CHEK1: variants seen among roughly 807,000 people sequenced by gnomAD.
The protein encoded by CHEK1 is checkpoint kinase 1, also known as serine/threonine-protein kinase Chk1.
Under a neutral mutation model 60.2 loss-of-function variants are expected in CHEK1, and 32 were observed. The ratio of observed to expected loss-of-function variants is 0.53; its 90% confidence interval spans 0.40 to 0.71. CHEK1 has a LOEUF of 0.71. CHEK1 is among the 30% of genes least tolerant of loss of function. CHEK1 has a pLI of 0.00. For synonymous variants in CHEK1, 179 were observed against 187.2 expected (o/e 0.96, Z 0.36); for missense variants, 399 against 564.6 (o/e 0.71, Z 2.97).
chr11:125,673,195 A>G (rs1359935211), intron 13 of CHEK1, among the ~76,000 whole-genome samples: 1 of 119,112 alleles, frequency 8.4e-6, no homozygotes, highest in African/African-American at 3.2e-5. Context: ...TGTGGACTAC[A>G]CCCTTTCTTT....
intron 5 of CHEK1, among the ~76,000 whole-genome samples, chr11:125,631,590 G>C (rs1031719422): frequency 3.3e-5 from 5 of 151,532 alleles, no homozygotes; most frequent in Admixed American, 6.6e-5. Context: ...AATCAACTGG[G>C]TGCAGTAGCT....
At chr11:125,650,207 T>A (rs1018140724) in intron 11 of CHEK1, among the ~76,000 whole-genome samples, 1 of 152,096 alleles carries the variant, frequency 6.6e-6, no homozygotes, top group Non-Finnish European at 1.5e-5. Context: ...GTTGGTATAC[T>A]TGATGTGCCA....
chr11:125,663,894 T>C (rs1942056547), intron 13 of CHEK1, among the ~76,000 whole-genome samples: 1 of 152,220 alleles, frequency 6.6e-6, no homozygotes, highest in Admixed American at 6.5e-5. Context: ...TAGTCAGTTA[T>C]CACAGCATCA....
rs1425294398 is a variant in CHEK1 at position 125,656,486 on chromosome 11, T to C, written c.*1166T>C. On this transcript the variant is annotated 3_prime_UTR_variant, in exon 13 of 13. Coordinates refer to ENST00000438015, the MANE Select transcript of CHEK1 (RefSeq NM_001114122.3). ...ACTGGCAAATTGTGTTACTGGAGTA[T>C]ACCCATAGGAGGAATAAATTCAAAC... The C allele has an allele frequency of 4.6e-6, 1 of 215,958 alleles. No individual in the cohort carries two copies. The highest frequency in any genetic ancestry group is 9.3e-6 in the Non-Finnish European group (1 of 107,388). 13.4% of individuals were successfully genotyped at this position (215,958 alleles called of 1,614,324 possible).
rs754935840 is a variant in CHEK1 at position 125,644,184 on chromosome 11, A to G, written c.1017A>G (p.Val339=). ...DTSPSYIDKL[V]QGISFSQPTC... ...GCCCCTCATACATTGATAAATTGGT[A>G]CAAGGGATCAGCTTTTCCCAGCCCA... Residue 339 remains valine, a synonymous_variant, in exon 10 of 13, where the codon GTA becomes GTG. Coordinates refer to ENST00000438015, the MANE Select transcript of CHEK1 (RefSeq NM_001114122.3). The G allele has an allele frequency of 1.2e-6, 2 of 1,614,194 alleles. No individual in the cohort carries two copies. Among genetic ancestry groups the G allele is most frequent in the South Asian group, 2.2e-5 (2 of 91,084 alleles).
In CHEK1 at chr11:125,653,778, T is replaced by A. The variant is rs775056015; in HGVS notation, c.1266T>A (p.Asn422Lys). The change falls in exon 12 of 13, where the codon AAT becomes AAA. Residue 422 changes from asparagine (N) to lysine (K), a missense_variant. Around this residue, in one of 2 missense-constraint regions of CHEK1, gnomAD observed 29 missense variants for 69.8 expected, o/e 0.42. Coordinates refer to ENST00000438015, the MANE Select transcript of CHEK1 (RefSeq NM_001114122.3). This position sits in a 1 kb window ranked among gnomAD's most constrained non-coding sequence, Gnocchi z 4.3. ...VTISTTDRRN[N>K]KLIFKVNLLE... ...TATCAACAACTGATAGGAGAAACAA[T>A]AAACTCATTTTCAAAGTGAATTTGT... 6.3e-7 allele frequency: 1 copy of A among 1,595,580 alleles called. No homozygotes were observed. The highest frequency in any genetic ancestry group is 2.2e-5 in the East Asian group (1 of 44,450).
At chr11:125,668,451 A>AT (rs976927295) in intron 13 of CHEK1, among the ~76,000 whole-genome samples, 3 of 151,716 alleles carry the variant, frequency 2.0e-5, no homozygotes, top group East Asian at 1.9e-4. Context: ...GATTTTTGCC[A>AT]TTTTTTTTGT....
Position 125,626,007 on chromosome 11 carries a change from A to G in CHEK1, c.-26A>G. 1 of 697,906 alleles carries G rather than the reference A, an allele frequency of 1.4e-6. No homozygotes were observed. The highest frequency in any genetic ancestry group is 2.7e-5 in the East Asian group (1 of 37,134). The allele number at this position is 697,906 out of a possible 1,614,324, so 43.2% of individuals were successfully genotyped here. On this transcript the variant is annotated 5_prime_UTR_variant, in exon 1 of 13. Transcript: ENST00000438015. ...ATTCCTGCAGTGGTGGGCAAAGGAC[A>G]GTCCGGTGAGGAAGGGCGGCCGGTA...
chr11:125,641,275 T>C (rs1941294388), intron 8 of CHEK1, among the ~76,000 whole-genome samples: 1 of 152,130 alleles, frequency 6.6e-6, no homozygotes, highest in Non-Finnish European at 1.5e-5. Context: ...TTCCAGGCGT[T>C]ACACTCTTCT....
chr11:125,678,402 T>A, downstream of CHEK1: 1 of 1,390,394 alleles, frequency 7.2e-7, no homozygotes, highest in South Asian at 1.4e-5. Flanking sequence ...CTAGGTTTCC[T>A]ATGGGCCTAG....
chr11:125,652,700 AT>A (rs1028505380), intron 11 of CHEK1, among the ~76,000 whole-genome samples: 3 of 152,240 alleles, frequency 2.0e-5, no homozygotes, highest in South Asian at 2.1e-4. Context: ...ATTTTTTTTA[AT>A]TGATACAATA....
downstream of CHEK1, among the ~76,000 whole-genome samples, chr11:125,658,832 A>G (rs1941964461): frequency 6.6e-6 from 1 of 151,604 alleles, no homozygotes; most frequent in Non-Finnish European, 1.5e-5. Flanking sequence ...GACTATAGCC[A>G]TGCACCACCA....
chr11:125,637,328 C>A (rs894098346), intron 7 of CHEK1, 121 bp from the exon 8 acceptor site: 3 of 627,000 alleles, frequency 4.8e-6, no homozygotes, highest in Non-Finnish European at 7.6e-6. Flanking sequence ...TTAATTCTTT[C>A]TCTTCCCCAG....
chr11:125,644,826 T>C (rs1273166170), intron 11 of CHEK1, among the ~76,000 whole-genome samples, 183 bp downstream of exon 11: 2 of 152,054 alleles, frequency 1.3e-5, no homozygotes, highest in Admixed American at 6.6e-5. Context: ...CTGGCCAACA[T>C]GGTAAGACCC....
chr11:125,646,726 T>C (rs1200709419), intron 11 of CHEK1, among the ~76,000 whole-genome samples: 7 of 152,194 alleles, frequency 4.6e-5, no homozygotes. Context: ...AGACTAATGA[T>C]CTTGAGCATA....
At chr11:125,680,646 G>A, downstream of CHEK1, 4 of 1,283,842 alleles carry the variant, frequency 3.1e-6, no homozygotes, top group Non-Finnish European at 4.4e-6. Context: ...GTGACTGAGA[G>A]ACTGGTCTTC....
At chr11:125,674,368 A>G (rs1942379004) in intron 13 of CHEK1, among the ~76,000 whole-genome samples, 1 of 152,240 alleles carries the variant, frequency 6.6e-6, no homozygotes, top group Non-Finnish European at 1.5e-5. Flanking sequence ...AGTGAGACTG[A>G]ACTAAGCTAT....
In CHEK1 at chr11:125,653,700, A is replaced by G. The variant is rs373204093; in HGVS notation, c.1234-46A>G. 1.2e-4 allele frequency: 112 copies of G among 918,168 alleles called. No homozygotes were observed. The highest frequency in any genetic ancestry group is 1.8e-4 in the Non-Finnish European group (106 of 577,366). 56.9% of individuals were successfully genotyped at this position (918,168 alleles called of 1,614,324 possible). On this transcript the variant is annotated intron_variant, in intron 11 of 12. Transcript: ENST00000438015. The surrounding 1 kb of genome is among the most constrained non-coding windows in gnomAD (Gnocchi z 4.3). The stretch of plus-strand genomic sequence containing the variant: ...TTCTTCATAGTGGGTTTACTAGTTT[A>G]TTATCTACTCACCCATGTGGCTTAA...
rs1268457213 is a variant in CHEK1, at chr11:125,625,739, G to A, written c.-294G>A. On this transcript the variant is annotated 5_prime_UTR_variant, in exon 1 of 13. Transcript: ENST00000438015. The stretch of plus-strand genomic sequence containing the variant: ...ACACCGGATGCCACTTCATATTTGG[G>A]CCCAGAGCTCAATTCGCGCCGATGC... 5.9e-6 allele frequency: 4 copies of A among 673,954 alleles called. No homozygotes were observed. The highest frequency in any genetic ancestry group is 1.1e-5 in the Non-Finnish European group (4 of 365,548). The allele number at this position is 673,954 out of a possible 1,614,324, so 41.7% of individuals were successfully genotyped here.
Sources: gnomAD v4.1 joint callset for allele counts (sites outside exome capture counted in the v4.1 genomes callset) on GRCh38, gnomAD v4.1.1 for gene constraint, gnomAD v4.1.1 regional missense constraint, Gnocchi (gnomAD v3.1) non-coding constraint, MANE v1.5 for transcripts, NCBI Gene and HGNC (gene_info 2026-07-23, HGNC 2026-07-21) for gene names.